The following PRDM11 variants were observed in gnomAD, a reference collection of about 807,000 sequenced individuals.
PRDM11 encodes the protein PR/SET domain 11, also known as PR domain-containing protein 11.
PRDM11 carries 20 observed loss-of-function variants against 97.8 expected under a neutral mutation model. The observed-to-expected ratio is 0.20, with a 90% confidence interval of 0.14 to 0.30. The LOEUF is 0.30. Ranked by LOEUF, PRDM11 falls within the 10% of genes least tolerant of loss-of-function variation. The pLI is 1.00. For synonymous variants in PRDM11, 599 were observed against 637.7 expected, an observed-to-expected ratio of 0.94 and a Z score of 0.91; for missense variants, 1,139 against 1,555.2, an observed-to-expected ratio of 0.73 and a Z score of 4.50.
At chr11:45,211,642 T>G (rs1167466037) in intron 5 of PRDM11, among the ~76,000 whole-genome samples, 1 of 152,180 alleles carries the variant, frequency 6.6e-6, no homozygotes, top group Admixed American at 6.5e-5. Flanking sequence ...CCTGCCAGTT[T>G]CTTCAGCCTG....
At chr11:45,149,703 A>T (rs925512823) in intron 1 of PRDM11, among the ~76,000 whole-genome samples, 3 of 152,266 alleles carry the variant, frequency 2.0e-5, no homozygotes, top group Non-Finnish European at 4.4e-5. Context: ...AACTGGTAGT[A>T]AGGCGGGATG....
At position 45,124,354 on chromosome 11, in the gene PRDM11, A is replaced by C. The variant is rs1441927043; in HGVS notation, c.96+28453A>C. 9.0e-4 allele frequency among the ~76,000 whole-genome samples: 137 copies of C among 152,048 alleles called. 3 individuals carry two copies. The South Asian group carries it at 0.027, about 30-fold the overall frequency. ...TTTATTTCCTTCTCCTGCCTAATTG[A>C]CCTGGCCAGAACTTCCAACACTATG... is the stretch of plus-strand genomic sequence containing the variant. On this transcript the variant is annotated intron_variant, in intron 1 of 6. Coordinates refer to the PRDM11 transcript ENST00000530656.
chr11:45,148,672 G>A (rs1851584454), intron 1 of PRDM11, among the ~76,000 whole-genome samples: 2 of 152,192 alleles, frequency 1.3e-5, no homozygotes, highest in Non-Finnish European at 2.9e-5. Context: ...TTACAGTTCT[G>A]TCGTCTAGAC....
intron 1 of PRDM11, among the ~76,000 whole-genome samples, chr11:45,170,595 C>A (rs1287289261): frequency 1.1e-5 from 1 of 87,202 alleles, no homozygotes; most frequent in East Asian, 2.2e-4. Flanking sequence ...GGGAGGAAAT[C>A]TCAGAGGGAG....
chr11:45,199,406 C>T (rs553106119), intron 4 of PRDM11, among the ~76,000 whole-genome samples: 9 of 152,306 alleles, frequency 5.9e-5, no homozygotes, highest in East Asian at 3.9e-4. Context: ...TAGATGCATG[C>T]GCGTTCTAAC....
At chr11:45,185,269 T>A (rs918003830) in intron 4 of PRDM11, among the ~76,000 whole-genome samples, 2 of 152,212 alleles carry the variant, frequency 1.3e-5, no homozygotes, top group African/African-American at 4.8e-5. Flanking sequence ...CAGCTCAGCA[T>A]AGGGGTAAGC....
At chr11:45,106,095 C>A (rs75057387) in intron 1 of PRDM11, among the ~76,000 whole-genome samples, 1 of 152,198 alleles carries the variant, frequency 6.6e-6, no homozygotes, top group African/African-American at 2.4e-5. Context: ...TGAACTTCCC[C>A]CACCTGAGAG....
chr11:45,179,870 A>G (rs7945018), intron 1 of PRDM11, among the ~76,000 whole-genome samples: 140,372 of 152,280 alleles, frequency 0.92, 65,450 homozygotes, highest in Non-Finnish European at 0.98. Flanking sequence ...CTGAGGCTCC[A>G]CCCCAGGATG....
intron 1 of PRDM11, among the ~76,000 whole-genome samples, chr11:45,125,284 A>C (rs1376174467): frequency 1.3e-5 from 2 of 152,032 alleles, no homozygotes; most frequent in African/African-American, 4.8e-5. Flanking sequence ...TCTTTTCAAA[A>C]AACCAGCTCC....
intron 1 of PRDM11, among the ~76,000 whole-genome samples, chr11:45,122,190 GACACACAC>G (rs1186105010): frequency 7.9e-6 from 1 of 126,944 alleles, no homozygotes; most frequent in Non-Finnish European, 1.7e-5. Flanking sequence ...GACACAGACA[GACACACAC>G]ACAGACACAC....
intron 1 of PRDM11, among the ~76,000 whole-genome samples, chr11:45,098,102 C>T (rs1250801671): frequency 6.6e-6 from 1 of 152,222 alleles, no homozygotes; most frequent in African/African-American, 2.4e-5. Context: ...AGTGCCCTAG[C>T]GGCACCTTCA....
In PRDM11 at chr11:45,224,313, A is replaced by G. The variant is rs370683910; in HGVS notation, c.839A>G (p.Lys280Arg). Residue 280 changes from lysine (K) to arginine (R), a missense_variant, in exon 7 of 8, where the codon AAA becomes AGA. Around this residue, in one of 2 missense-constraint regions of PRDM11, gnomAD observed 429 missense variants for 510.3 expected, o/e 0.84. Transcript: ENST00000683152. ...PIHLSVLRQG[K>R]SPYKRGFDEG... ...CATCTCTCTGTGCTGAGACAGGGCA[A>G]AAGTCCCTACAAGCGTGGCTTTGAT... The G allele has an allele frequency of 5.0e-6, 8 of 1,614,168 alleles. No homozygotes were observed. Among genetic ancestry groups the G allele is most frequent in the Admixed American group, 3.3e-5 (2 of 60,018 alleles).
chr11:45,190,455 C>CT (rs373876725), intron 4 of PRDM11, among the ~76,000 whole-genome samples: 24,402 of 141,420 alleles, frequency 0.17, 2,523 homozygotes, highest in African/African-American at 0.29. Context: ...GCCATACATT[C>CT]TTTTTTTTTT....
Position 45,226,420 on chromosome 11 carries a change from C to A in PRDM11, c.1795C>A (p.Leu599Met). The A allele has an allele frequency of 2.0e-6, 3 of 1,534,038 alleles. No individual in the cohort carries two copies. Among genetic ancestry groups the A allele is most frequent in the Non-Finnish European group, 2.6e-6 (3 of 1,146,748 alleles). Residue 599 changes from leucine (L) to methionine (M), a missense_variant, in exon 8 of 8, where the codon CTG becomes ATG. By Grantham distance (15) the Leu-to-Met change is conservative. Transcript: ENST00000683152. ...MTLLFNTAYH[L>M]ALEGRPYLDF... ...CCTGCTCTTCAACACCGCCTACCAC[C>A]TGGCCTTGGAGGGCAGGCCCTACCT...
chr11:45,136,224 T>C (rs1223240894), intron 1 of PRDM11, among the ~76,000 whole-genome samples: 1 of 152,206 alleles, frequency 6.6e-6, no homozygotes, highest in Non-Finnish European at 1.5e-5. Context: ...CCATTGGATT[T>C]TGAAGGGGAA....
chr11:45,099,406 G>A (rs746763552), intron 1 of PRDM11, among the ~76,000 whole-genome samples: 5 of 144,056 alleles, frequency 3.5e-5, no homozygotes, highest in South Asian at 2.2e-4. Context: ...AGCCAAGATC[G>A]TGCCACTGCA....
intron 3 of PRDM11, 48 bp downstream of exon 3, chr11:45,182,397 G>C: frequency 6.6e-7 from 1 of 1,518,302 alleles, no homozygotes; most frequent in African/African-American, 1.4e-5. Flanking sequence ...CACCCCCATC[G>C]CCCCATTCCT....
chr11:45,199,583 T>C (rs989553621), intron 4 of PRDM11, among the ~76,000 whole-genome samples: 1 of 152,190 alleles, frequency 6.6e-6, no homozygotes, highest in African/African-American at 2.4e-5. Flanking sequence ...TGCTCAGAGC[T>C]TCTGGGCTGG....
At chr11:45,190,874 G>C (rs1480844359) in intron 4 of PRDM11, among the ~76,000 whole-genome samples, 2 of 151,950 alleles carry the variant, frequency 1.3e-5, no homozygotes, top group Non-Finnish European at 2.9e-5. Flanking sequence ...CAGACAATGG[G>C]GGCTGGATTT....
Sources: allele counts gnomAD v4.1 joint callset (sites outside exome capture counted in the v4.1 genomes callset), GRCh38; gene constraint gnomAD v4.1.1; regional missense constraint gnomAD v4.1.1; transcripts MANE v1.5; gene names NCBI Gene and HGNC (gene_info 2026-07-23, HGNC 2026-07-21).